The following CCDC69 variants were observed in gnomAD, a reference collection of about 807,000 sequenced individuals.
CCDC69 encodes coiled-coil domain-containing protein 69.
Under a neutral mutation model 40.3 loss-of-function variants are expected in CCDC69, and 38 were observed. The observed-to-expected ratio is 0.94, with a 90% CI of 0.73 to 1.24. CCDC69 has a LOEUF of 1.24. Ranked by LOEUF, CCDC69 falls within the 50% of genes most tolerant of loss-of-function variation. The pLI, the probability that CCDC69 is intolerant of heterozygous loss-of-function variation, is 0.00. For synonymous variants in CCDC69, 141 were observed against 138.9 expected (o/e 1.02, Z -0.11); for missense variants, 389 against 357.9 (o/e 1.09, Z -0.70).
At chr5:151,185,888 A>C in intron 6 of CCDC69, 135 bp downstream of exon 6, 1 of 666,782 alleles carries the variant, frequency 1.5e-6, no homozygotes. Context: ...GAACTCTTTT[A>C]TTTCCAGGCC....
intron 1 of CCDC69, 26 bp downstream of exon 1, chr5:151,223,896 GC>G (rs971881854): frequency 3.8e-6 from 6 of 1,589,834 alleles, no homozygotes; most frequent in Non-Finnish European, 5.1e-6. Flanking sequence ...TCCTCTGAAA[GC>G]AAACTTCTCC....
intron 1 of CCDC69, among the ~76,000 whole-genome samples, chr5:151,208,229 C>A (rs1752880652): frequency 6.6e-6 from 1 of 152,140 alleles, no homozygotes; most frequent in African/African-American, 2.4e-5. Flanking sequence ...CCAGCCTGTG[C>A]AATAGAGTGA....
intron 8 of CCDC69, 53 bp downstream of exon 8, chr5:151,184,291 A>T: frequency 7.2e-7 from 1 of 1,394,408 alleles, no homozygotes; most frequent in East Asian, 2.3e-5. Flanking sequence ...CCCAGCTGGG[A>T]ATTTTGGCAA....
In CCDC69 at chr5:151,193,393, A is replaced by C. The variant is rs372432807; in HGVS notation, c.319+5604T>G. Reference sequence around the variant, plus strand: ...TTAGCTAGGCATGGTGATGTGCACTATAGTCCCAACTACTTGGGAGGCTGT... The same window carrying C: ...TTAGCTAGGCATGGTGATGTGCACTCTAGTCCCAACTACTTGGGAGGCTGT... On this transcript the variant is annotated intron_variant, in intron 4 of 8. Transcript: ENST00000355417. 1.8e-4 allele frequency among the ~76,000 whole-genome samples: 27 copies of C among 151,394 alleles called. No individual in the cohort carries two copies. In the South Asian group the frequency reaches 5.0e-3, roughly 28 times the overall value.
intron 3 of CCDC69, among the ~76,000 whole-genome samples, chr5:151,199,408 A>G (rs764240303): frequency 1.5e-4 from 23 of 152,082 alleles, no homozygotes; most frequent in Non-Finnish European, 2.6e-4. Context: ...TACTGTTTCA[A>G]GTGACCTCCA....
rs1316879808 is a variant in CCDC69, at chr5:151,183,162, T to C, written c.*275A>G. 1.2e-5 allele frequency: 7 copies of C among 601,314 alleles called. No individual in the cohort carries two copies. The highest frequency in any genetic ancestry group is 1.9e-5 in the Non-Finnish European group (6 of 321,084). 37.2% of individuals were successfully genotyped at this position (601,314 alleles called of 1,614,324 possible). ...GGGAAAGCCTCGGAACTTCTCGGAT[T>C]GGGACAGAGTGCTGGGGCAGGGAGG... On this transcript the variant is annotated 3_prime_UTR_variant, in exon 9 of 9. Transcript: ENST00000355417.
At chr5:151,214,993 C>T (rs1753016472) in intron 1 of CCDC69, among the ~76,000 whole-genome samples, 1 of 152,214 alleles carries the variant, frequency 6.6e-6, no homozygotes, top group African/African-American at 2.4e-5. Flanking sequence ...ATATCAGCTT[C>T]CCAGGGTGTC....
At chr5:151,186,881 A>G (rs1752527410) in intron 5 of CCDC69, among the ~76,000 whole-genome samples, 1 of 152,084 alleles carries the variant, frequency 6.6e-6, no homozygotes, top group Admixed American at 6.5e-5. Context: ...CATCCTGGAC[A>G]TCTTTCGGTT....
rs772342301 is a variant in CCDC69 at position 151,187,409 on chromosome 5, G to A, written c.370C>T (p.Arg124Trp). Residue 124 changes from arginine (R) to tryptophan (W), a missense_variant, in exon 5 of 9, where the codon CGG becomes TGG. Transcript: ENST00000355417. Reference protein sequence around the residue: ...QEKEALTHSFREASSTQQETI... With the variant: ...QEKEALTHSFWEASSTQQETI... The stretch of plus-strand genomic sequence containing the variant: ...ACCTGCTGGGTAGAACTGGCCTCCC[G>A]GAAAGAGTGGGTAAGCGCTTCTTTC... The A allele has an allele frequency of 5.6e-6, 9 of 1,613,954 alleles. No individual in the cohort carries two copies. Among genetic ancestry groups the A allele is most frequent in the South Asian group, 4.4e-5 (4 of 91,092 alleles).
At position 151,199,472 on chromosome 5, in the gene CCDC69, G is replaced by A. The variant is rs141654820; in HGVS notation, c.232-388C>T. Among the ~76,000 whole-genome samples, 456 of 152,188 alleles carry A rather than the reference G, an allele frequency of 3.0e-3. 3 individuals carry two copies. Among genetic ancestry groups the A allele is most frequent in the Non-Finnish European group, 4.1e-3 (281 of 68,012 alleles). On this transcript the variant is annotated intron_variant, in intron 3 of 8. Transcript: ENST00000355417. ...CTCTGGGGTCACACAGAGCCAGACTGTTCCCTCAACCCAGGCAGCCCCTCA... is the reference window on the plus strand; with the variant it reads ...CTCTGGGGTCACACAGAGCCAGACTATTCCCTCAACCCAGGCAGCCCCTCA...
In CCDC69 at chr5:151,218,386, G is replaced by A. The variant is rs560581204; in HGVS notation, c.48+5537C>T. On this transcript the variant is annotated intron_variant, in intron 1 of 8. Coordinates refer to ENST00000355417, the MANE Select transcript of CCDC69 (RefSeq NM_015621.3). The stretch of plus-strand genomic sequence containing the variant: ...ACGGCTCACAGTGCTGAGGGAGGAT[G>A]ATGCAGAGGACCGAGTGCCAGCCGT... Among the ~76,000 whole-genome samples, 13 of 152,334 alleles carry A rather than the reference G, an allele frequency of 8.5e-5. 1 individual carries two copies. The South Asian group carries it at 2.5e-3, about 29-fold the overall frequency.
At chr5:151,215,134 G>A (rs1047602254) in intron 1 of CCDC69, among the ~76,000 whole-genome samples, 2 of 152,206 alleles carry the variant, frequency 1.3e-5, no homozygotes, top group Non-Finnish European at 1.5e-5. Flanking sequence ...AGCTGGATGG[G>A]GGTGGGGAAA....
chr5:151,199,907 A>T (rs901176888), intron 3 of CCDC69, among the ~76,000 whole-genome samples: 1 of 152,208 alleles, frequency 6.6e-6, no homozygotes, highest in African/African-American at 2.4e-5. Flanking sequence ...CGTCTAAGCT[A>T]AAACCATTTT....
In CCDC69 at chr5:151,182,118, C is replaced by G. The variant is rs1766640260; in HGVS notation, c.*1319G>C. On this transcript the variant is annotated 3_prime_UTR_variant, in exon 9 of 9. Transcript: ENST00000355417. ...GGACCTTGAGCAAGGCCCTTTGACT[C>G]CTGTGATCTGTTTGCCATGTTGCCA... 1 of 152,226 alleles carries G rather than the reference C, an allele frequency of 6.6e-6. No homozygotes were observed. The highest frequency in any genetic ancestry group is 2.4e-5 in the African/African-American group (1 of 41,438). 9.4% of individuals were successfully genotyped at this position (152,226 alleles called of 1,614,324 possible). A position where few individuals can be genotyped will look rare whatever the true frequency, so the allele number is the denominator to read the frequency against.
intron 7 of CCDC69, chr5:151,185,207 C>T (rs183237600): frequency 2.0e-5 from 10 of 488,894 alleles, no homozygotes; most frequent in Admixed American, 2.0e-4. Flanking sequence ...ACATCAGTAG[C>T]CTCAAAAGGC....
At position 151,184,516 on chromosome 5, in the gene CCDC69, C is replaced by T. The variant is rs1286421894; in HGVS notation, c.616-75G>A. ...ATGTGTGCTGTCACCTCCCTCTTAT[C>T]TGTGGTCACTGAAAGCACTGATTCA... On this transcript the variant is annotated intron_variant, in intron 7 of 8. Transcript: ENST00000355417. The T allele has an allele frequency of 3.4e-6, 3 of 878,560 alleles. No individual in the cohort carries two copies. The African/African-American group carries it at 5.0e-5, about 15-fold the overall frequency. 54.4% of individuals were successfully genotyped at this position (878,560 alleles called of 1,614,324 possible). A position where few individuals can be genotyped will look rare whatever the true frequency, so the allele number is the denominator to read the frequency against.
intron 4 of CCDC69, 35 bp downstream of exon 4, chr5:151,198,962 C>T (rs556541005): frequency 3.2e-6 from 5 of 1,551,304 alleles, no homozygotes; most frequent in East Asian, 4.5e-5. Context: ...AAGCACCCCC[C>T]ACCACCTTGG....
Position 151,219,375 on chromosome 5 carries a change from A to AC in CCDC69, c.48+4547dup, listed in dbSNP as rs1244542512. Among the ~76,000 whole-genome samples the AC allele has an allele frequency of 5.3e-5, 8 of 150,090 alleles. 1 individual carries two copies. The highest frequency in any genetic ancestry group is 2.0e-4 in the East Asian group (1 of 5,106). On this transcript the variant is annotated intron_variant, in intron 1 of 8. Transcript: ENST00000355417. ...CTGTCTCTCTAAGGGGCCTTCCTTG[A>AC]CCCCCCCGAGTCCAAAGCCACACTG...
intron 2 of CCDC69, among the ~76,000 whole-genome samples, chr5:151,203,697 A>G (rs1707564486): frequency 7.4e-6 from 1 of 135,440 alleles, no homozygotes; most frequent in South Asian, 2.1e-4. Flanking sequence ...AAATATATAT[A>G]GTATATATAT....
Sources: allele counts gnomAD v4.1 joint callset (sites outside exome capture counted in the v4.1 genomes callset), GRCh38; gene constraint gnomAD v4.1.1; transcripts MANE v1.5; gene names NCBI Gene and HGNC (gene_info 2026-07-23, HGNC 2026-07-21).